CACNA1C: variants seen among roughly 807,000 people sequenced by gnomAD.
The protein encoded by CACNA1C is calcium voltage-gated channel subunit alpha1 C, also known as voltage-dependent L-type calcium channel subunit alpha-1C.
CACNA1C carries 30 observed loss-of-function variants against 229.0 expected under a neutral mutation model. The observed-to-expected ratio is 0.13, with a 90% CI of 0.10 to 0.18. The LOEUF (loss-of-function observed/expected upper bound fraction) is 0.18. CACNA1C is among the 10% of genes least tolerant of loss of function. CACNA1C has a pLI of 1.00. For synonymous variants in CACNA1C, 1,114 were observed against 1,132.5 expected, an observed-to-expected ratio of 0.98 and a Z score of 0.33; for missense variants, 1,658 against 2,845.0, an observed-to-expected ratio of 0.58 and a Z score of 9.49.
At chr12:2,616,776 C>T (rs1466243445) in intron 29 of CACNA1C, among the ~76,000 whole-genome samples, 1 of 152,254 alleles carries the variant, frequency 6.6e-6, no homozygotes, top group Non-Finnish European at 1.5e-5. Flanking sequence ...GAGCCTTGTC[C>T]AGCTGCTGGC....
chr12:2,010,080 T>A (rs898338679), intron 1 of CACNA1C, among the ~76,000 whole-genome samples: 1 of 152,232 alleles, frequency 6.6e-6, no homozygotes, highest in East Asian at 1.9e-4. Flanking sequence ...TTCTTTCTAA[T>A]AGAAGCCCAG....
intron 3 of CACNA1C, among the ~76,000 whole-genome samples, chr12:2,294,353 C>T (rs952591487): frequency 4.0e-5 from 6 of 151,698 alleles, no homozygotes; most frequent in African/African-American, 1.5e-4. Flanking sequence ...CTTGGGGAGC[C>T]CTGAAGAGGC....
intron 3 of CACNA1C, among the ~76,000 whole-genome samples, chr12:2,291,421 C>G (rs1048089845): frequency 1.3e-5 from 2 of 152,154 alleles, no homozygotes; most frequent in African/African-American, 2.4e-5. Context: ...CTCTCTTTCT[C>G]GACTGCTCTT....
At chr12:2,123,019 C>T (rs1293285702) in intron 3 of CACNA1C, among the ~76,000 whole-genome samples, 1 of 152,190 alleles carries the variant, frequency 6.6e-6, no homozygotes, top group East Asian at 1.9e-4. Context: ...AACAACCGGC[C>T]TCTTGGGCAG....
At chr12:1,975,104 C>T (rs2033907370) in intron 1 of CACNA1C, among the ~76,000 whole-genome samples, 1 of 152,126 alleles carries the variant, frequency 6.6e-6, no homozygotes, top group Non-Finnish European at 1.5e-5. Flanking sequence ...GTGCTACTTC[C>T]TGATTAAAGA....
intron 3 of CACNA1C, among the ~76,000 whole-genome samples, chr12:2,414,902 T>TG (rs2098848186): frequency 6.6e-6 from 1 of 152,144 alleles, no homozygotes; most frequent in Non-Finnish European, 1.5e-5. Flanking sequence ...TCCCAAGAAC[T>TG]GGCCCAAAGG....
intron 1 of CACNA1C, among the ~76,000 whole-genome samples, chr12:2,031,247 C>G (rs1332302737): frequency 6.6e-6 from 1 of 152,192 alleles, no homozygotes; most frequent in Admixed American, 6.5e-5. Flanking sequence ...GGGGTCCAAC[C>G]TGGATTTTGT....
In CACNA1C at chr12:2,385,033, G is replaced by C. The variant is rs561251211; in HGVS notation, c.478-63943G>C. Among the ~76,000 whole-genome samples, 273 of 152,272 alleles carry C rather than the reference G, an allele frequency of 1.8e-3. 1 individual carries two copies. Among genetic ancestry groups the C allele is most frequent in the Non-Finnish European group, 1.1e-3 (74 of 68,028 alleles). Reference sequence around the variant, plus strand: ...TGAGAGCGAAGTAAGCATAGTGCTCGCTCCCCAAGGATTGAAACTGCCTGC... The same window carrying C: ...TGAGAGCGAAGTAAGCATAGTGCTCCCTCCCCAAGGATTGAAACTGCCTGC... On this transcript the variant is annotated intron_variant, in intron 3 of 46. Coordinates refer to ENST00000399655, the MANE Select transcript of CACNA1C (RefSeq NM_000719.7).
intron 8 of CACNA1C, among the ~76,000 whole-genome samples, chr12:2,508,534 T>A (rs780194331): frequency 3.2e-4 from 48 of 152,318 alleles, no homozygotes; most frequent in Non-Finnish European, 6.2e-4. Flanking sequence ...GCACCTATAG[T>A]CCCAGGTATT....
intron 1 of CACNA1C, among the ~76,000 whole-genome samples, chr12:2,084,201 A>T (rs1360776877): frequency 6.6e-6 from 1 of 152,152 alleles, no homozygotes; most frequent in Non-Finnish European, 1.5e-5. Context: ...CCAACTCCCC[A>T]CCCAGGGCAG....
rs76056088 is a variant in CACNA1C at position 2,036,261 on chromosome 12, G to A, written c.139+65060G>A. ...CTATCCCTTAGTGTCTGAGTGGGCC[G>A]TGGGAAGGAATGAGCAGTGGAGTGG... On this transcript the variant is annotated intron_variant, in intron 1 of 46. Coordinates refer to the CACNA1C transcript ENST00000682462. 7.8e-3 allele frequency among the ~76,000 whole-genome samples: 1,190 copies of A among 152,286 alleles called. 16 individuals are homozygous for A. The highest frequency in any genetic ancestry group is 0.027 in the African/African-American group (1,134 of 41,556).
At chr12:2,073,342 A>G (rs754064766) in intron 1 of CACNA1C, among the ~76,000 whole-genome samples, 1 of 152,270 alleles carries the variant, frequency 6.6e-6, no homozygotes, top group South Asian at 2.1e-4. Flanking sequence ...GTGCCCTTCC[A>G]TTGCTGTGGA....
chr12:2,271,516 T>C (rs1183769158), intron 3 of CACNA1C, among the ~76,000 whole-genome samples: 5 of 152,214 alleles, frequency 3.3e-5, no homozygotes. Context: ...ATAAGTTGTT[T>C]AACATTTTAG....
intron 3 of CACNA1C, among the ~76,000 whole-genome samples, chr12:2,141,516 G>A (rs2094187104): frequency 6.6e-6 from 1 of 151,366 alleles, no homozygotes; most frequent in Non-Finnish European, 1.5e-5. Flanking sequence ...CGTCTCTTTT[G>A]TGTACACTGT....
At chr12:2,658,776 C>T (rs1042548763) in intron 34 of CACNA1C, among the ~76,000 whole-genome samples, 1 of 151,490 alleles carries the variant, frequency 6.6e-6, no homozygotes, top group Non-Finnish European at 1.5e-5. Flanking sequence ...AGGTGGAAGA[C>T]AGTGATGTTG....
chr12:2,347,508 G>T (rs2097078760), intron 3 of CACNA1C, among the ~76,000 whole-genome samples: 2 of 152,198 alleles, frequency 1.3e-5, no homozygotes. Flanking sequence ...GCGGGCTGAG[G>T]ATCACAGAAG....
intron 3 of CACNA1C, among the ~76,000 whole-genome samples, chr12:2,245,097 A>G (rs78185961): frequency 0.066 from 10,102 of 152,294 alleles, 473 homozygotes; most frequent in African/African-American, 0.12. Context: ...AGCAGGCAAG[A>G]CAGAAACAGC....
chr12:2,535,786 G>T (rs1386332115), intron 9 of CACNA1C, among the ~76,000 whole-genome samples: 1 of 149,514 alleles, frequency 6.7e-6, no homozygotes, highest in African/African-American at 2.5e-5. Context: ...GACTCTGTCT[G>T]CCCCAGGGCA....
chr12:2,483,774 C>T (rs2154570168), intron 5 of CACNA1C, among the ~76,000 whole-genome samples: 1 of 152,198 alleles, frequency 6.6e-6, no homozygotes, highest in South Asian at 2.1e-4. Flanking sequence ...TATGGCATCT[C>T]TGACAGCTGA....
Sources: allele counts gnomAD v4.1 joint callset (sites outside exome capture counted in the v4.1 genomes callset), GRCh38; gene constraint gnomAD v4.1.1; transcripts MANE v1.5; gene names NCBI Gene and HGNC (gene_info 2026-07-23, HGNC 2026-07-21).